TRAPPC9: variants seen among roughly 807,000 people sequenced by gnomAD.
TRAPPC9 encodes trafficking protein particle complex subunit 9, also known as IKK2 binding protein.
Under a neutral mutation model 124.0 loss-of-function variants are expected in TRAPPC9, and 83 were observed. The observed-to-expected ratio is 0.67, with a 90% CI of 0.56 to 0.80. TRAPPC9 has a LOEUF of 0.80. TRAPPC9 is among the 30% of genes least tolerant of loss of function. The pLI is 0.00. For missense variants in TRAPPC9, 1,302 were observed against 1,508.3 expected (o/e 0.86, Z 2.27); for synonymous variants, 638 against 617.5 (o/e 1.03, Z -0.49).
At chr8:139,841,941 G>A (rs977453475) in intron 21 of TRAPPC9, among the ~76,000 whole-genome samples, 1 of 152,246 alleles carries the variant, frequency 6.6e-6, no homozygotes, top group East Asian at 1.9e-4. Flanking sequence ...GAGGGAAGCT[G>A]GGGACCTGGG....
At position 140,322,863 on chromosome 8, in the gene TRAPPC9, G is replaced by A. The variant is rs563567482; in HGVS notation, c.1496-11489C>T. Among the ~76,000 whole-genome samples, 4 of 152,272 alleles carry A rather than the reference G, an allele frequency of 2.6e-5. No individual in the cohort carries two copies. In the East Asian group the frequency reaches 5.8e-4, roughly 22 times the overall value. On this transcript the variant is annotated intron_variant, in intron 9 of 22. Transcript: ENST00000438773. ...AAAAAACAAAAAAGCCAACAGAAAA[G>A]ACAAAGTAGAATACAAGCATGATAT...
chr8:139,740,027 CAT>C (rs1468085246), intron 21 of TRAPPC9, among the ~76,000 whole-genome samples: 1 of 152,212 alleles, frequency 6.6e-6, no homozygotes, highest in Non-Finnish European at 1.5e-5. Context: ...CCATTTGGCA[CAT>C]GAGGGACCAG....
At chr8:140,080,769 T>A (rs780517809) in intron 17 of TRAPPC9, among the ~76,000 whole-genome samples, 2 of 152,284 alleles carry the variant, frequency 1.3e-5, no homozygotes, top group Non-Finnish European at 2.9e-5. Context: ...CCTGTCACAC[T>A]CACAAACCCT....
At chr8:140,172,371 G>A (rs2061982857) in intron 17 of TRAPPC9, among the ~76,000 whole-genome samples, 1 of 149,630 alleles carries the variant, frequency 6.7e-6, no homozygotes, top group African/African-American at 2.5e-5. Context: ...AATGGAGGGG[G>A]AGTTAAACTA....
intron 21 of TRAPPC9, among the ~76,000 whole-genome samples, chr8:139,771,134 G>A (rs1033580078): frequency 4.6e-5 from 7 of 152,144 alleles, no homozygotes; most frequent in Admixed American, 2.6e-4. Context: ...TTGTGCACCT[G>A]CAGGGCAGGG....
rs573655667 is a variant in TRAPPC9, at chr8:140,104,375, G to A, written c.2557-80296C>T. On this transcript the variant is annotated intron_variant, in intron 17 of 22. Coordinates refer to ENST00000438773, the MANE Select transcript of TRAPPC9 (RefSeq NM_001160372.4). This position sits in a 1 kb window ranked among gnomAD's most constrained non-coding sequence, Gnocchi z 4.0. Reference sequence around the variant, plus strand: ...TGTTCTCGGGAGGGAGAAATATGAGGCAACATGGAATATCATCAGGAATAA... The same window carrying A: ...TGTTCTCGGGAGGGAGAAATATGAGACAACATGGAATATCATCAGGAATAA... Among the ~76,000 whole-genome samples the A allele has an allele frequency of 3.2e-4, 48 of 152,228 alleles. No homozygotes were observed. Among genetic ancestry groups the A allele is most frequent in the Middle Eastern group, 6.8e-3 (2 of 294 alleles).
At chr8:140,393,082 ATTTT>A (rs1171484421) in intron 7 of TRAPPC9, among the ~76,000 whole-genome samples, 1 of 106,086 alleles carries the variant, frequency 9.4e-6, no homozygotes, top group Non-Finnish European at 1.9e-5. Context: ...ATTTTATTTT[ATTTT>A]TTTAGATGGA....
At chr8:139,950,359 A>G (rs747672511) in intron 19 of TRAPPC9, among the ~76,000 whole-genome samples, 2 of 152,248 alleles carry the variant, frequency 1.3e-5, no homozygotes, top group Non-Finnish European at 2.9e-5. Flanking sequence ...TCAGCAGATG[A>G]TGCCTGTCAA....
chr8:140,458,361 A>T, upstream of TRAPPC9: 2 of 1,594,590 alleles, frequency 1.3e-6, no homozygotes, highest in Non-Finnish European at 1.7e-6. Context: ...CCCACTGTGG[A>T]TCCCTGCGGC....
At chr8:140,415,139 A>G (rs2069869904) in intron 5 of TRAPPC9, among the ~76,000 whole-genome samples, 1 of 152,052 alleles carries the variant, frequency 6.6e-6, no homozygotes, top group Non-Finnish European at 1.5e-5. Flanking sequence ...TGAGCCCAGG[A>G]ATTCTAGGCT....
chr8:140,407,863 C>G lies in TRAPPC9; in HGVS notation c.887-2165G>C, dbSNP rs144407446. On this transcript the variant is annotated intron_variant, in intron 5 of 22. Transcript: ENST00000438773. Reference sequence around the variant, plus strand: ...TCTTGAACTCCTGACCTCAAGCGATCTGTCCAACTCGACCTCCCAAAGTGC... The same window carrying G: ...TCTTGAACTCCTGACCTCAAGCGATGTGTCCAACTCGACCTCCCAAAGTGC... Among the ~76,000 whole-genome samples, 17 of 152,280 alleles carry G rather than the reference C, an allele frequency of 1.1e-4. No individual in the cohort carries two copies. The East Asian group carries it at 3.1e-3, about 28-fold the overall frequency.
chr8:140,412,625 G>A (rs2069747956), intron 5 of TRAPPC9, among the ~76,000 whole-genome samples: 1 of 152,090 alleles, frequency 6.6e-6, no homozygotes, highest in African/African-American at 2.4e-5. Flanking sequence ...AAAAAACTTT[G>A]TATATGCACA....
At chr8:140,157,055 A>AAAGCCTCCCTTTCCATTCAG (rs2061653759) in intron 17 of TRAPPC9, among the ~76,000 whole-genome samples, 2 of 49,236 alleles carry the variant, frequency 4.1e-5, no homozygotes, top group Non-Finnish European at 1.0e-4. Context: ...TTTCCATTCA[A>AAAGCCTCCCTTTCCATTCAG]AAGCCTCCCT....
chr8:139,912,676 C>T (rs1163737816), intron 19 of TRAPPC9, among the ~76,000 whole-genome samples: 1 of 152,238 alleles, frequency 6.6e-6, no homozygotes, highest in African/African-American at 2.4e-5. Flanking sequence ...TAGTAATAGG[C>T]AAAATGCCAC....
chr8:140,266,760 T>C (rs140826382), intron 15 of TRAPPC9, among the ~76,000 whole-genome samples: 28,095 of 151,660 alleles, frequency 0.19, 2,650 homozygotes, highest in Admixed American at 0.22. Context: ...CTCGGGAGGC[T>C]GAGGCAGGAG....
chr8:139,944,559 C>T (rs979259538), intron 19 of TRAPPC9, among the ~76,000 whole-genome samples: 2 of 152,110 alleles, frequency 1.3e-5, no homozygotes, highest in African/African-American at 4.8e-5. Flanking sequence ...GTAATCCCAA[C>T]AGCAACCACT....
chr8:139,863,915 G>A (rs747778191), intron 21 of TRAPPC9, among the ~76,000 whole-genome samples: 2 of 152,196 alleles, frequency 1.3e-5, no homozygotes, highest in Admixed American at 1.3e-4. Context: ...GGCTCTAGCT[G>A]ACATCACCCA....
Position 140,439,039 on chromosome 8 carries a change from C to T in TRAPPC9, c.730+13G>A, listed in dbSNP as rs973849550. 2 of 1,613,846 alleles carry T rather than the reference C, an allele frequency of 1.2e-6. No homozygotes were observed. The highest frequency in any genetic ancestry group is 2.7e-5 in the African/African-American group (2 of 74,916). On this transcript the variant is annotated intron_variant, in intron 3 of 22. Coordinates refer to ENST00000438773, the MANE Select transcript of TRAPPC9 (RefSeq NM_001160372.4). ...CAATTACATATCAGATCATCTTCAT[C>T]AGCTCATCTTACCTCCAAGCCACAG...
intron 14 of TRAPPC9, among the ~76,000 whole-genome samples, chr8:140,276,146 A>G (rs2065111822): frequency 6.6e-6 from 1 of 152,230 alleles, no homozygotes; most frequent in Non-Finnish European, 1.5e-5. Flanking sequence ...AAATTACATG[A>G]TGAATTCATT....
Sources: gnomAD v4.1 joint callset for allele counts (sites outside exome capture counted in the v4.1 genomes callset) on GRCh38, gnomAD v4.1.1 for gene constraint, Gnocchi (gnomAD v3.1) non-coding constraint, MANE v1.5 for transcripts, NCBI Gene and HGNC (gene_info 2026-07-23, HGNC 2026-07-21) for gene names.